SAMTOR: variants seen among roughly 807,000 people sequenced by gnomAD.
SAMTOR encodes the protein S-adenosylmethionine sensor upstream of mTORC1, also known as UPF0532 protein C7orf60.
At chr7:112,830,465 C>A in the SAMTOR span, among the ~76,000 whole-genome samples, 1 of 152,090 alleles carries the variant, frequency 6.6e-6, no homozygotes, top group African/African-American at 2.4e-5. Context: ...TGTTTATAAA[C>A]CTATCCATAA....
chr7:112,894,183 AG>A, the SAMTOR span, among the ~76,000 whole-genome samples: 1 of 74,236 alleles, frequency 1.3e-5, no homozygotes, highest in Admixed American at 1.6e-4. Context: ...GAAGAGGGGG[AG>A]GGGGAGAGGG....
the SAMTOR span, among the ~76,000 whole-genome samples, chr7:112,914,505 G>C: frequency 6.6e-6 from 1 of 151,654 alleles, no homozygotes; most frequent in South Asian, 2.1e-4. Flanking sequence ...TTCATTTTCT[G>C]ATATTTTTAG....
the SAMTOR span, among the ~76,000 whole-genome samples, chr7:112,925,315 T>C: frequency 6.6e-6 from 1 of 152,236 alleles, no homozygotes; most frequent in African/African-American, 2.4e-5. Context: ...GAAGGCCTTT[T>C]TTTGAACTTT....
chr7:112,905,629 C>T, the SAMTOR span, among the ~76,000 whole-genome samples: 1 of 152,070 alleles, frequency 6.6e-6, no homozygotes, highest in African/African-American at 2.4e-5. Context: ...ATAAGAAAAT[C>T]CACTAATATA....
At chr7:112,905,352 C>T in the SAMTOR span, among the ~76,000 whole-genome samples, 2 of 152,118 alleles carry the variant, frequency 1.3e-5, no homozygotes, top group Non-Finnish European at 1.5e-5. Flanking sequence ...TTCCCTCAGT[C>T]ACCTCTATAA....
chr7:112,892,177 G>A, the SAMTOR span, among the ~76,000 whole-genome samples: 3 of 152,114 alleles, frequency 2.0e-5, no homozygotes, highest in Non-Finnish European at 4.4e-5. Context: ...CATAAGAAAC[G>A]ACTCCTCATC....
chr7:112,866,857 T>C, the SAMTOR span, among the ~76,000 whole-genome samples: 1 of 152,228 alleles, frequency 6.6e-6, no homozygotes, highest in Non-Finnish European at 1.5e-5. Context: ...TACTAATCCC[T>C]GCTTTTCTTA....
At chr7:112,876,046 C>T in the SAMTOR span, among the ~76,000 whole-genome samples, 7 of 152,140 alleles carry the variant, frequency 4.6e-5, no homozygotes, top group African/African-American at 1.4e-4. Flanking sequence ...CCACAGCCTC[C>T]GCCTCCTGAG....
the SAMTOR span, among the ~76,000 whole-genome samples, chr7:112,884,619 T>TGCTG: frequency 6.6e-6 from 1 of 152,210 alleles, no homozygotes; most frequent in East Asian, 1.9e-4. Context: ...ATCCAGGTCA[T>TGCTG]GCTGCTGCAA....
the SAMTOR span, among the ~76,000 whole-genome samples, chr7:112,834,897 T>C: frequency 1.3e-5 from 2 of 152,138 alleles, no homozygotes; most frequent in African/African-American, 4.8e-5. Context: ...CACTTTGAGA[T>C]ACCATACTCA....
chr7:112,924,407 T>G, the SAMTOR span, among the ~76,000 whole-genome samples: 4 of 152,196 alleles, frequency 2.6e-5, no homozygotes, highest in Non-Finnish European at 5.9e-5. Flanking sequence ...CTGGGTATTT[T>G]AGGGTCTACA....
At chr7:112,908,922 T>C in the SAMTOR span, among the ~76,000 whole-genome samples, 1 of 152,122 alleles carries the variant, frequency 6.6e-6, no homozygotes, top group Non-Finnish European at 1.5e-5. Context: ...ATAGCTGACA[T>C]AATGAAAAGA....
the SAMTOR span, among the ~76,000 whole-genome samples, chr7:112,898,663 A>G: frequency 2.0e-5 from 3 of 152,116 alleles, no homozygotes; most frequent in African/African-American, 7.2e-5. Context: ...CAGTTCAAAT[A>G]TGACCCAGCA....
the SAMTOR span, among the ~76,000 whole-genome samples, chr7:112,892,926 A>G: frequency 3.9e-5 from 6 of 152,142 alleles, no homozygotes; most frequent in African/African-American, 7.2e-5. Flanking sequence ...TACATTATCA[A>G]TGGGCAGTAA....
chr7:112,926,314 TTACTC>T, the SAMTOR span, among the ~76,000 whole-genome samples: 1 of 152,132 alleles, frequency 6.6e-6, no homozygotes, highest in African/African-American at 2.4e-5. Flanking sequence ...GAAACTCAAT[TTACTC>T]TATAATTATT....
chr7:112,890,720 T>C, the SAMTOR span, among the ~76,000 whole-genome samples: 1 of 151,678 alleles, frequency 6.6e-6, no homozygotes, highest in Admixed American at 6.6e-5. Flanking sequence ...AGGGTATCAC[T>C]CTGTCACTCA....
chr7:112,916,598 G>A, the SAMTOR span, among the ~76,000 whole-genome samples: 10 of 152,250 alleles, frequency 6.6e-5, no homozygotes, highest in South Asian at 4.1e-4. Context: ...GGTGCAGGAC[G>A]GTGGGTGCAG....
chr7:112,834,892 T>G, the SAMTOR span, among the ~76,000 whole-genome samples: 4 of 152,250 alleles, frequency 2.6e-5, no homozygotes, highest in South Asian at 8.3e-4. Context: ...TAAGACACTT[T>G]GAGATACCAT....
chr7:112,914,698 TTAA>T, the SAMTOR span, among the ~76,000 whole-genome samples: 4 of 152,210 alleles, frequency 2.6e-5, no homozygotes, highest in African/African-American at 9.7e-5. Flanking sequence ...CCATAATTTA[TTAA>T]TGAGTCAAGT....
Sources: gnomAD v4.1 joint callset for allele counts (sites outside exome capture counted in the v4.1 genomes callset) on GRCh38, gnomAD v4.1.1 for gene constraint, MANE v1.5 for transcripts, NCBI Gene and HGNC (gene_info 2026-07-23, HGNC 2026-07-21) for gene names.